BCL7C: variants seen among roughly 807,000 people sequenced by gnomAD.
BCL7C encodes the protein B-cell CLL/lymphoma 7 protein family member C.
A neutral mutation model predicts 26.2 loss-of-function variants in BCL7C; 8 were observed. That is an observed-to-expected ratio of 0.30 (90% CI 0.18 to 0.55). The LOEUF (loss-of-function observed/expected upper bound fraction) is 0.55, where lower values mean the gene tolerates loss of function less well. BCL7C is among the 20% of genes least tolerant of loss of function. BCL7C has a pLI of 0.93. For synonymous variants in BCL7C, 90 were observed against 116.5 expected (o/e 0.77, Z 1.47); for missense variants, 262 against 298.5 (o/e 0.88, Z 0.90).
downstream of BCL7C, among the ~76,000 whole-genome samples, chr16:30,883,968 AC>A (rs760065654): frequency 7.3e-5 from 11 of 151,094 alleles, no homozygotes; most frequent in Non-Finnish European, 1.6e-4. Flanking sequence ...TACTAAAAAT[AC>A]AAAAAATTAG....
In BCL7C at chr16:30,893,613, C is replaced by A. The variant is rs2055294111; in HGVS notation, c.92+240G>T. On this transcript the variant is annotated intron_variant, in intron 1 of 5. Coordinates refer to ENST00000215115, the MANE Select transcript of BCL7C (RefSeq NM_004765.4). This position sits in a 1 kb window ranked among gnomAD's most constrained non-coding sequence, Gnocchi z 5.2. ...CGCACCTGCAGGAGGGGTGTCAAAG[C>A]TTTAGGGGGCGGGGCACAAGAGGGG... Among the ~76,000 whole-genome samples, 1 of 151,978 alleles carries A rather than the reference C, an allele frequency of 6.6e-6. No individual in the cohort carries two copies. The highest frequency in any genetic ancestry group is 2.1e-4 in the South Asian group (1 of 4,822).
chr16:30,869,420 G>A (rs188125371), intron 5 of BCL7C, among the ~76,000 whole-genome samples: 32 of 151,104 alleles, frequency 2.1e-4, no homozygotes, highest in Non-Finnish European at 4.0e-4. Context: ...TATGTTGCTG[G>A]CCTCGAACTC....
chr16:30,872,263 G>C (rs1165492600), intron 5 of BCL7C, among the ~76,000 whole-genome samples: 3 of 152,130 alleles, frequency 2.0e-5, no homozygotes, highest in Admixed American at 6.5e-5. Flanking sequence ...CAGGAAAGTG[G>C]TCAGTCCTGA....
At chr16:30,850,245 A>G (rs564814527) in intron 5 of BCL7C, among the ~76,000 whole-genome samples, 1 of 152,056 alleles carries the variant, frequency 6.6e-6, no homozygotes, top group African/African-American at 2.4e-5. Flanking sequence ...AAAGAAAAAA[A>G]GAAATATGCC....
intron 5 of BCL7C, among the ~76,000 whole-genome samples, chr16:30,870,777 A>G (rs1261533128): frequency 2.6e-5 from 4 of 152,208 alleles, no homozygotes; most frequent in African/African-American, 9.6e-5. Flanking sequence ...ACAGCCAAGC[A>G]TCACCTCCCT....
intron 5 of BCL7C, chr16:30,851,315 A>G (rs1003174809): frequency 4.9e-6 from 1 of 203,218 alleles, no homozygotes; most frequent in African/African-American, 2.3e-5. Context: ...ATCTTGGCTC[A>G]TCGCAACCTC....
At chr16:30,874,610 G>A (rs990290631) in intron 5 of BCL7C, among the ~76,000 whole-genome samples, 1 of 151,864 alleles carries the variant, frequency 6.6e-6, no homozygotes, top group South Asian at 2.1e-4. Context: ...CAGTGAGGCG[G>A]TCTCAAAACA....
chr16:30,888,073 A>C, intron 5 of BCL7C, 83 bp from the exon 6 acceptor site: 1 of 1,426,636 alleles, frequency 7.0e-7, no homozygotes, highest in South Asian at 1.3e-5. Flanking sequence ...CAAAGCCTCC[A>C]CTCCCCTCCC....
chr16:30,892,330 C>G (rs1450551987), intron 4 of BCL7C, among the ~76,000 whole-genome samples: 2 of 122,044 alleles, frequency 1.6e-5, no homozygotes, highest in African/African-American at 6.4e-5. Flanking sequence ...ATTCAGGAAA[C>G]TGACATGAGA....
chr16:30,834,938 G>T lies in BCL7C; in HGVS notation c.*10C>A. On this transcript the variant is annotated 3_prime_UTR_variant, in exon 6 of 6. Transcript: ENST00000380317. This position sits in a 1 kb window ranked among gnomAD's most constrained non-coding sequence, Gnocchi z 4.3. ...GGCTTTAGGGGTCTTGGCTTGCTTG[G>T]GGAGCCCACTCACCTCCCCTTACCC... 1 of 1,515,344 alleles carries T rather than the reference G, an allele frequency of 6.6e-7. No homozygotes were observed. Among genetic ancestry groups the T allele is most frequent in the South Asian group, 1.2e-5 (1 of 80,626 alleles). The allele number at this position is 1,515,344 out of a possible 1,614,324, so 93.9% of individuals were successfully genotyped here.
chr16:30,835,090 G>T, exon 6 of BCL7C: 1 of 1,544,942 alleles, frequency 6.5e-7, no homozygotes, highest in Non-Finnish European at 8.8e-7. Context: ...CCTCCTGAGG[G>T]GCTCTGTCTT....
chr16:30,861,374 G>A (rs918463084), intron 5 of BCL7C, among the ~76,000 whole-genome samples: 8 of 152,094 alleles, frequency 5.3e-5, no homozygotes, highest in Admixed American at 2.6e-4. Context: ...ACTTCCAAAC[G>A]CCTGAACTGC....
chr16:30,881,016 A>G (rs983537465), intron 5 of BCL7C, among the ~76,000 whole-genome samples: 6 of 152,146 alleles, frequency 3.9e-5, no homozygotes, highest in African/African-American at 1.4e-4. Context: ...GAATCAAGCA[A>G]TTAACACCTA....
At chr16:30,891,971 G>A (rs143487020) in intron 4 of BCL7C, among the ~76,000 whole-genome samples, 2 of 149,708 alleles carry the variant, frequency 1.3e-5, no homozygotes, top group African/African-American at 2.5e-5. Flanking sequence ...AAAAAAAAGG[G>A]GGGGGAGGGC....
intron 5 of BCL7C, among the ~76,000 whole-genome samples, chr16:30,882,130 C>T (rs8050107): frequency 0.75 from 114,182 of 151,860 alleles, 43,493 homozygotes; most frequent in East Asian, 0.91. Flanking sequence ...CTGGCTAATT[C>T]TATTGTATTT....
At chr16:30,846,469 C>T (rs1030826951) in intron 5 of BCL7C, among the ~76,000 whole-genome samples, 5 of 151,916 alleles carry the variant, frequency 3.3e-5, no homozygotes, top group African/African-American at 4.8e-5. Flanking sequence ...CCTCGTGATC[C>T]GCCCACCTAG....
At chr16:30,878,468 G>A (rs543358880) in intron 5 of BCL7C, among the ~76,000 whole-genome samples, 8 of 151,368 alleles carry the variant, frequency 5.3e-5, no homozygotes, top group Non-Finnish European at 1.0e-4. Context: ...GAACCCAGGA[G>A]GCAGAGGTTG....
At chr16:30,866,547 A>G (rs2054830847) in intron 5 of BCL7C, among the ~76,000 whole-genome samples, 1 of 149,056 alleles carries the variant, frequency 6.7e-6, no homozygotes, top group Non-Finnish European at 1.5e-5. Flanking sequence ...ACTGCACTCC[A>G]GCCTGGCCAA....
intron 5 of BCL7C, among the ~76,000 whole-genome samples, chr16:30,881,397 C>G (rs1001718519): frequency 2.1e-5 from 3 of 144,234 alleles, no homozygotes; most frequent in Admixed American, 9.0e-5. Context: ...CTCCGTCACA[C>G]ACACACACAC....
Sources: gnomAD v4.1 joint callset for allele counts (sites outside exome capture counted in the v4.1 genomes callset) on GRCh38, gnomAD v4.1.1 for gene constraint, Gnocchi (gnomAD v3.1) non-coding constraint, MANE v1.5 for transcripts, NCBI Gene and HGNC (gene_info 2026-07-23, HGNC 2026-07-21) for gene names.